The following GCSH variants were observed in gnomAD, a reference collection of about 807,000 sequenced individuals.
The protein encoded by GCSH is glycine cleavage system protein H.
Under a neutral mutation model 21.3 loss-of-function variants are expected in GCSH, and 15 were observed. The observed-to-expected ratio is 0.70, with a 90% CI of 0.47 to 1.08. The LOEUF (loss-of-function observed/expected upper bound fraction) is 1.08. Ranked by LOEUF, GCSH falls within the 50% of genes least tolerant of loss-of-function variation. The pLI, the probability that GCSH is intolerant of heterozygous loss-of-function variation, is 0.00. For synonymous variants in GCSH, 59 were observed against 84.5 expected (o/e 0.70, Z 1.66); for missense variants, 179 against 217.5 (o/e 0.82, Z 1.11).
At chr16:81,094,713 T>G (rs531636980) in intron 1 of GCSH, among the ~76,000 whole-genome samples, 21 of 151,858 alleles carry the variant, frequency 1.4e-4, no homozygotes, top group Non-Finnish European at 3.1e-4. Flanking sequence ...CAAACAGGTT[T>G]CTAAAACAAT....
In GCSH at chr16:81,082,964, C is replaced by G; in HGVS notation, c.425-1G>C. 6.4e-7 allele frequency: 1 copy of G among 1,574,556 alleles called. No individual in the cohort carries two copies. The highest frequency in any genetic ancestry group is 2.2e-5 in the East Asian group (1 of 44,620). On this transcript the variant is annotated splice_acceptor_variant, in intron 4 of 4. Transcript: ENST00000315467. LOFTEE classifies it high-confidence loss of function. ...CTCAGTGTCATCTTGATCAGCCAAC[C>G]TGCAACCAAAAGACAACCTTATATT... is the stretch of plus-strand genomic sequence containing the variant.
At chr16:81,088,599 A>T (rs1248049920) in intron 2 of GCSH, among the ~76,000 whole-genome samples, 1 of 152,122 alleles carries the variant, frequency 6.6e-6, no homozygotes, top group Non-Finnish European at 1.5e-5. Flanking sequence ...ATGCAGTTTC[A>T]CCATGTTGGC....
intron 4 of GCSH, 98 bp downstream of exon 4, chr16:81,084,365 A>C (rs1223369832): frequency 3.2e-6 from 3 of 925,448 alleles, no homozygotes; most frequent in Non-Finnish European, 5.4e-6. Flanking sequence ...CAAGAAGTAG[A>C]AAAAGATGAA....
chr16:81,087,449 G>C, intron 3 of GCSH, 152 bp downstream of exon 3: 1 of 683,962 alleles, frequency 1.5e-6, no homozygotes. Flanking sequence ...AGTGGGCCGA[G>C]ATGGTGCCAC....
At chr16:81,083,471 C>CT in intron 4 of GCSH, 1 of 171,702 alleles carries the variant, frequency 5.8e-6, no homozygotes, top group South Asian at 1.4e-4. Flanking sequence ...GCACCGAGAT[C>CT]ACGCCACTGC....
intron 2 of GCSH, among the ~76,000 whole-genome samples, chr16:81,089,290 A>G (rs995528804): frequency 1.3e-5 from 2 of 152,210 alleles, no homozygotes; most frequent in African/African-American, 4.8e-5. Flanking sequence ...CTCCTCATCC[A>G]AGATTCTGGA....
rs760501347 is a variant in GCSH, at chr16:81,093,941, G to A, written c.148+2190C>T. On this transcript the variant is annotated intron_variant, in intron 1 of 4. Transcript: ENST00000315467. ...TTTTGAGACAGAGTCTCACTCTGTC[G>A]CCCAAGCTGGAGTGTAGTGGTGCAA... Among the ~76,000 whole-genome samples, 148 of 152,130 alleles carry A rather than the reference G, an allele frequency of 9.7e-4. 2 individuals are homozygous for A. Among genetic ancestry groups the A allele is most frequent in the South Asian group, 6.2e-4 (3 of 4,824 alleles).
rs1471235120 is a variant in GCSH at position 81,090,855 on chromosome 16, T to G, written c.149-175A>C. On this transcript the variant is annotated intron_variant, in intron 1 of 4. Coordinates refer to ENST00000315467, the MANE Select transcript of GCSH (RefSeq NM_004483.5). ...AAGATCATGTATAGAGATGACGCATTTAAACAGCAGTACCATTTAAGCAAA... is the reference window on the plus strand; with the variant it reads ...AAGATCATGTATAGAGATGACGCATGTAAACAGCAGTACCATTTAAGCAAA... 3 of 673,752 alleles carry G rather than the reference T, an allele frequency of 4.5e-6. No individual in the cohort carries two copies. The East Asian group carries it at 8.2e-5, about 18-fold the overall frequency. The allele number at this position is 673,752 out of a possible 1,614,324, so 41.7% of individuals were successfully genotyped here.
intron 3 of GCSH, among the ~76,000 whole-genome samples, chr16:81,085,797 T>C (rs553550829): frequency 7.2e-4 from 109 of 152,074 alleles, no homozygotes; most frequent in African/African-American, 2.5e-3. Flanking sequence ...GAGGTGGAGG[T>C]TGCAGTGAGC....
chr16:81,083,104 T>A (rs1484437251), intron 4 of GCSH, 141 bp from the exon 5 acceptor site: 1 of 703,274 alleles, frequency 1.4e-6, no homozygotes, highest in African/African-American at 1.8e-5. Context: ...GAACTTTAAA[T>A]TTTAGCCTTA....
At chr16:81,089,436 T>C (rs1972351875) in intron 2 of GCSH, among the ~76,000 whole-genome samples, 2 of 151,366 alleles carry the variant, frequency 1.3e-5, no homozygotes, top group Non-Finnish European at 2.9e-5. Context: ...TGTGTTTTGA[T>C]AGGCCAAGTG....
In GCSH at chr16:81,086,402, A is replaced by T. The variant is rs529059619; in HGVS notation, c.292+1199T>A. On this transcript the variant is annotated intron_variant, in intron 3 of 4. Coordinates refer to ENST00000315467, the MANE Select transcript of GCSH (RefSeq NM_004483.5). ...TCGAAATAAATAAATTAATTAATTTAAAAAATTAGCCTGGTGTGGTTGTGC... is the reference window on the plus strand; with the variant it reads ...TCGAAATAAATAAATTAATTAATTTTAAAAATTAGCCTGGTGTGGTTGTGC... Among the ~76,000 whole-genome samples, 4 of 152,082 alleles carry T rather than the reference A, an allele frequency of 2.6e-5. No individual in the cohort carries two copies. The South Asian group carries it at 6.2e-4, about 24-fold the overall frequency.
intron 1 of GCSH, among the ~76,000 whole-genome samples, chr16:81,094,902 G>T (rs12921990): frequency 0.033 from 4,994 of 152,096 alleles, 170 homozygotes; most frequent in African/African-American, 0.085. Context: ...TTTGAGACCA[G>T]CCTAACGTGG....
At chr16:81,090,416 C>A (rs1431076740) in intron 2 of GCSH, among the ~76,000 whole-genome samples, 185 bp downstream of exon 2, 1 of 151,846 alleles carries the variant, frequency 6.6e-6, no homozygotes, top group African/African-American at 2.4e-5. Context: ...GAGACGGGGT[C>A]TCACTTTGTT....
intron 4 of GCSH, 131 bp from the exon 5 acceptor site, chr16:81,083,094 G>A (rs1972202301): frequency 8.3e-6 from 6 of 725,940 alleles, no homozygotes; most frequent in South Asian, 7.4e-5. Context: ...TTTGTTCATA[G>A]AACTTTAAAT....
At chr16:81,088,115 G>A (rs1972321608) in intron 2 of GCSH, among the ~76,000 whole-genome samples, 2 of 151,944 alleles carry the variant, frequency 1.3e-5, no homozygotes, top group Non-Finnish European at 2.9e-5. Flanking sequence ...GACAGAGCAA[G>A]ACTCCATGTC....
intron 3 of GCSH, among the ~76,000 whole-genome samples, chr16:81,085,039 G>T (rs1251921137): frequency 2.0e-5 from 2 of 102,324 alleles, no homozygotes; most frequent in African/African-American, 3.8e-5. Flanking sequence ...TTTTTGAGAC[G>T]GAGTCTCGCT....
intron 4 of GCSH, 140 bp from the exon 5 acceptor site, chr16:81,083,103 A>G: frequency 1.4e-6 from 1 of 705,032 alleles, no homozygotes; most frequent in Non-Finnish European, 2.6e-6. Flanking sequence ...AGAACTTTAA[A>G]TTTTAGCCTT....
At chr16:81,085,295 G>A (rs1269411563) in intron 3 of GCSH, among the ~76,000 whole-genome samples, 2 of 152,118 alleles carry the variant, frequency 1.3e-5, no homozygotes, top group African/African-American at 4.8e-5. Context: ...TTATAACCGT[G>A]AGCCACCGTG....
Sources: allele counts gnomAD v4.1 joint callset (sites outside exome capture counted in the v4.1 genomes callset), GRCh38; gene constraint gnomAD v4.1.1; transcripts MANE v1.5; gene names NCBI Gene and HGNC (gene_info 2026-07-23, HGNC 2026-07-21).